The following MBOAT2 variants were observed in gnomAD, a reference collection of about 807,000 sequenced individuals.
The protein encoded by MBOAT2 is membrane-bound glycerophospholipid O-acyltransferase 2.
A neutral mutation model predicts 63.4 loss-of-function variants in MBOAT2; 28 were observed. The ratio of observed to expected loss-of-function variants is 0.44; its 90% confidence interval spans 0.33 to 0.61. The LOEUF (loss-of-function observed/expected upper bound fraction) is 0.61. MBOAT2 is among the 20% of genes least tolerant of loss of function. The pLI is 0.03. For missense variants in MBOAT2, 470 were observed against 605.8 expected, an observed-to-expected ratio of 0.78 and a Z score of 2.35; for synonymous variants, 211 against 215.6, an observed-to-expected ratio of 0.98 and a Z score of 0.19.
chr2:8,892,422 G>A (rs1664069345), intron 4 of MBOAT2, among the ~76,000 whole-genome samples: 1 of 152,030 alleles, frequency 6.6e-6, no homozygotes, highest in Admixed American at 6.5e-5. Flanking sequence ...AAAGTCCATT[G>A]GTCTTAGTCA....
At chr2:8,950,396 C>T (rs1204911189) in intron 2 of MBOAT2, among the ~76,000 whole-genome samples, 1 of 152,064 alleles carries the variant, frequency 6.6e-6, no homozygotes, top group African/African-American at 2.4e-5. Context: ...TCTCTTGTTC[C>T]TGTTCTCAAG....
At chr2:8,906,365 T>C (rs1665333210) in intron 4 of MBOAT2, among the ~76,000 whole-genome samples, 1 of 152,232 alleles carries the variant, frequency 6.6e-6, no homozygotes, top group Non-Finnish European at 1.5e-5. Context: ...GACTCATGCT[T>C]GCTGACAGGA....
At chr2:8,943,010 T>C (rs1265322222) in intron 3 of MBOAT2, among the ~76,000 whole-genome samples, 177 bp downstream of exon 3, 1 of 152,174 alleles carries the variant, frequency 6.6e-6, no homozygotes, top group South Asian at 2.1e-4. Flanking sequence ...CAACGGTGCT[T>C]TAAGTAAAAA....
chr2:8,931,183 A>C (rs1005218443), intron 3 of MBOAT2, among the ~76,000 whole-genome samples: 3 of 152,176 alleles, frequency 2.0e-5, no homozygotes, highest in African/African-American at 7.2e-5. Context: ...CCACAGCCTC[A>C]CCAGCATGTT....
chr2:8,883,686 A>C (rs1663317789), intron 5 of MBOAT2, among the ~76,000 whole-genome samples: 2 of 152,232 alleles, frequency 1.3e-5, no homozygotes, highest in Non-Finnish European at 2.9e-5. Context: ...GTAAACCAGT[A>C]TAGCAAACAC....
chr2:8,862,543 AG>A lies in MBOAT2; in HGVS notation c.1185+46del. The A allele has an allele frequency of 1.9e-6, 3 of 1,580,978 alleles. No individual in the cohort carries two copies. Among genetic ancestry groups the A allele is most frequent in the Non-Finnish European group, 2.6e-6 (3 of 1,164,760 alleles). The stretch of plus-strand genomic sequence containing the variant: ...GAGAGATGTACTCAGCCTTTTTAAC[AG>A]TTCAAGTGGACCATTGAATTGTAAA... On this transcript the variant is annotated intron_variant, in intron 11 of 12. Coordinates refer to ENST00000305997, the MANE Select transcript of MBOAT2 (RefSeq NM_138799.4). This position sits in a 1 kb window ranked among gnomAD's most constrained non-coding sequence, Gnocchi z 4.3.
At chr2:8,964,436 C>G (rs989090550) in intron 1 of MBOAT2, among the ~76,000 whole-genome samples, 1 of 148,636 alleles carries the variant, frequency 6.7e-6, no homozygotes, top group African/African-American at 2.5e-5. Flanking sequence ...AGTAGAACCT[C>G]CAAGTCAAGC....
chr2:8,894,844 G>C (rs1664311262), intron 4 of MBOAT2, among the ~76,000 whole-genome samples: 1 of 152,204 alleles, frequency 6.6e-6, no homozygotes, highest in Non-Finnish European at 1.5e-5. Flanking sequence ...CACGGTGAGT[G>C]TTACAGCTCT....
rs558145334 is a variant in MBOAT2 at position 9,003,031 on chromosome 2, C to T, written c.75+509G>A. 1.3e-5 allele frequency among the ~76,000 whole-genome samples: 2 copies of T among 152,256 alleles called. No individual in the cohort carries two copies. The highest frequency in any genetic ancestry group is 4.8e-5 in the African/African-American group (2 of 41,562). ...GCCTCTCCGGGCCCCTAGCACCCAT[C>T]GACGCCGTCTCTAAGGCACCCAGCA... On this transcript the variant is annotated intron_variant, in intron 1 of 12. Coordinates refer to ENST00000305997, the MANE Select transcript of MBOAT2 (RefSeq NM_138799.4). This position sits in a 1 kb window ranked among gnomAD's most constrained non-coding sequence, Gnocchi z 5.4.
chr2:8,929,911 T>C (rs1460126682), intron 3 of MBOAT2, among the ~76,000 whole-genome samples: 3 of 152,124 alleles, frequency 2.0e-5, no homozygotes, highest in Admixed American at 6.5e-5. Flanking sequence ...ACATCTGAAT[T>C]TGTGCATGTG....
At position 9,003,634 on chromosome 2, in the gene MBOAT2, G is replaced by A. The variant is rs374380125; in HGVS notation, c.-20C>T. 33 of 1,156,698 alleles carry A rather than the reference G, an allele frequency of 2.9e-5. No individual in the cohort carries two copies. The highest frequency in any genetic ancestry group is 3.3e-5 in the Non-Finnish European group (31 of 941,830). 71.7% of individuals were successfully genotyped at this position (1,156,698 alleles called of 1,614,324 possible). ...GGCCATGGCCGGGCCTCGGCGCTCC[G>A]GCCGCCCGCGCCGCTCGCCCGCTCG... On this transcript the variant is annotated 5_prime_UTR_variant, in exon 1 of 13. Transcript: ENST00000305997. This position sits in a 1 kb window ranked among gnomAD's most constrained non-coding sequence, Gnocchi z 5.4.
At position 8,858,822 on chromosome 2, in the gene MBOAT2, T is replaced by C; in HGVS notation, c.1420A>G (p.Thr474Ala). The C allele has an allele frequency of 1.2e-6, 2 of 1,614,042 alleles. No individual in the cohort carries two copies. The highest frequency in any genetic ancestry group is 2.2e-5 in the East Asian group (1 of 44,872). The change falls in exon 13 of 13, where the codon ACA becomes GCA. Residue 474 changes from threonine to alanine, a missense_variant. Thr to Ala is a moderately conservative substitution (Grantham distance 58). This residue lies in a region of MBOAT2 where 90 missense variants were observed against 84.9 expected (regional missense o/e 1.06). Coordinates refer to ENST00000305997, the MANE Select transcript of MBOAT2 (RefSeq NM_138799.4). ...TGTGAGAGCTGAATGTTTTCATGTG[T>C]ATTCTTTCTTCTTTGAGTTTTTTTC... ...PVKKTQRRKNTHENIQLSQSK... is the reference protein window; with the variant it reads ...PVKKTQRRKNAHENIQLSQSK...
intron 3 of MBOAT2, among the ~76,000 whole-genome samples, chr2:8,939,887 A>T (rs943486650): frequency 2.0e-5 from 3 of 152,220 alleles, no homozygotes; most frequent in Non-Finnish European, 4.4e-5. Flanking sequence ...TAATTCCTTT[A>T]ACAGCAATAG....
At chr2:8,912,298 GA>G (rs144901451) in intron 3 of MBOAT2, among the ~76,000 whole-genome samples, 1,715 of 55,788 alleles carry the variant, frequency 0.031, 13 homozygotes, top group African/African-American at 0.038. Flanking sequence ...GGAAAAGAAA[GA>G]AAAGAAAGAA....
chr2:8,980,197 A>C (rs1671102010), intron 1 of MBOAT2, among the ~76,000 whole-genome samples: 1 of 152,174 alleles, frequency 6.6e-6, no homozygotes, highest in Admixed American at 6.5e-5. Flanking sequence ...ATTTCTAAGA[A>C]AAACAGCAGT....
At chr2:8,950,587 C>A (rs1668758610) in intron 2 of MBOAT2, among the ~76,000 whole-genome samples, 1 of 152,146 alleles carries the variant, frequency 6.6e-6, no homozygotes, top group Admixed American at 6.5e-5. Flanking sequence ...GCCACCATGC[C>A]TGGCTAATTT....
intron 4 of MBOAT2, among the ~76,000 whole-genome samples, chr2:8,903,340 GCA>G (rs1201994573): frequency 6.6e-6 from 1 of 152,068 alleles, no homozygotes; most frequent in East Asian, 1.9e-4. Flanking sequence ...TTAGCAAAAT[GCA>G]CAGTGCCTGC....
At chr2:8,897,712 C>G (rs1664587763) in intron 4 of MBOAT2, among the ~76,000 whole-genome samples, 3 of 152,128 alleles carry the variant, frequency 2.0e-5, no homozygotes, top group Admixed American at 2.0e-4. Context: ...AGGTTAAGGT[C>G]AGGATTAGCT....
chr2:8,891,189 C>T (rs957860855), intron 4 of MBOAT2, among the ~76,000 whole-genome samples: 9 of 152,240 alleles, frequency 5.9e-5, no homozygotes, highest in Admixed American at 4.6e-4. Context: ...TCTGGTCCAA[C>T]CCATCAGCCG....
Sources: gnomAD v4.1 joint callset for allele counts (sites outside exome capture counted in the v4.1 genomes callset) on GRCh38, gnomAD v4.1.1 for gene constraint, gnomAD v4.1.1 regional missense constraint, Gnocchi (gnomAD v3.1) non-coding constraint, MANE v1.5 for transcripts, NCBI Gene and HGNC (gene_info 2026-07-23, HGNC 2026-07-21) for gene names.